DNAH7: variants seen among roughly 807,000 people sequenced by gnomAD.
DNAH7 encodes dynein axonemal heavy chain 7.
Under a neutral mutation model 444.6 loss-of-function variants are expected in DNAH7, and 397 were observed. The observed-to-expected ratio is 0.89, with a 90% CI of 0.82 to 0.97. DNAH7 has a LOEUF of 0.97. DNAH7 is among the 50% of genes least tolerant of loss of function. DNAH7 has a pLI of 0.00. For synonymous variants in DNAH7, 1,636 were observed against 1,624.4 expected, an observed-to-expected ratio of 1.01 and a Z score of -0.17; for missense variants, 4,902 against 4,800.8, an observed-to-expected ratio of 1.02 and a Z score of -0.62.
At chr2:195,774,189 C>T (rs186598024) in intron 60 of DNAH7, among the ~76,000 whole-genome samples, 1 of 152,292 alleles carries the variant, frequency 6.6e-6, no homozygotes, top group Non-Finnish European at 1.5e-5. Context: ...TGGCACACCC[C>T]GTCAAGTTTA....
At position 195,788,951 on chromosome 2, in the gene DNAH7, G is replaced by A. The variant is rs74476579; in HGVS notation, c.10717-1780C>T. Reference sequence around the variant, plus strand: ...TATATACTTCCAAGTTCTCTCCACTGAAAGAGTCAAGAAAATACAGACAGA... The same window carrying A: ...TATATACTTCCAAGTTCTCTCCACTAAAAGAGTCAAGAAAATACAGACAGA... On this transcript the variant is annotated intron_variant, in intron 57 of 64. Coordinates refer to ENST00000312428, the MANE Select transcript of DNAH7 (RefSeq NM_018897.3). Among the ~76,000 whole-genome samples the A allele has an allele frequency of 0.019, 2,894 of 152,266 alleles. 223 individuals carry two copies. In the East Asian group the frequency reaches 0.26, roughly 13 times the overall value.
intron 1 of DNAH7, among the ~76,000 whole-genome samples, chr2:196,063,102 G>T (rs563896667): frequency 1.3e-5 from 2 of 152,062 alleles, no homozygotes; most frequent in African/African-American, 2.4e-5. Flanking sequence ...GGCTGGTCTC[G>T]AACTCCTGAC....
chr2:195,927,100 C>T (rs1234760929), intron 21 of DNAH7, among the ~76,000 whole-genome samples: 1 of 152,114 alleles, frequency 6.6e-6, no homozygotes, highest in Non-Finnish European at 1.5e-5. Flanking sequence ...GCAATGATGA[C>T]AGAGACAGAT....
chr2:196,049,642 G>T (rs1410514568), intron 3 of DNAH7, among the ~76,000 whole-genome samples: 1 of 152,180 alleles, frequency 6.6e-6, no homozygotes, highest in Non-Finnish European at 1.5e-5. Flanking sequence ...TTGAAAATAT[G>T]ATTTCCCTTA....
chr2:195,827,304 C>A (rs1378488235), intron 48 of DNAH7, among the ~76,000 whole-genome samples: 2 of 152,174 alleles, frequency 1.3e-5, no homozygotes, highest in Non-Finnish European at 2.9e-5. Flanking sequence ...GAGATGGGGT[C>A]TCACTCTGTT....
chr2:195,744,613 G>T (rs1180699161), intron 63 of DNAH7, among the ~76,000 whole-genome samples: 1 of 152,182 alleles, frequency 6.6e-6, no homozygotes, highest in Non-Finnish European at 1.5e-5. Context: ...CCCAGTAGGG[G>T]CAGACTGACA....
intron 40 of DNAH7, among the ~76,000 whole-genome samples, chr2:195,865,542 T>C (rs1559161502): frequency 6.6e-6 from 1 of 152,216 alleles, no homozygotes; most frequent in Non-Finnish European, 1.5e-5. Context: ...GGATACCTGT[T>C]AATTATTTTT....
chr2:195,971,667 A>G (rs1365745016), intron 16 of DNAH7, among the ~76,000 whole-genome samples: 1 of 152,146 alleles, frequency 6.6e-6, no homozygotes, highest in African/African-American at 2.4e-5. Flanking sequence ...AGAAGTTGAC[A>G]GGGTTACTGA....
At chr2:196,000,297 T>C (rs1693954822) in intron 12 of DNAH7, among the ~76,000 whole-genome samples, 1 of 151,722 alleles carries the variant, frequency 6.6e-6, no homozygotes, top group African/African-American at 2.4e-5. Flanking sequence ...GAGTTGAAAG[T>C]ATAAAGGAGC....
chr2:195,929,864 T>G (rs925247093), intron 21 of DNAH7, among the ~76,000 whole-genome samples: 1 of 152,040 alleles, frequency 6.6e-6, no homozygotes, highest in African/African-American at 2.4e-5. Flanking sequence ...AAACAAAAAT[T>G]GACAAGTGGA....
Position 195,906,662 on chromosome 2 carries a change from C to A in DNAH7, c.4332G>T (p.Leu1444=), listed in dbSNP as rs751234150. 7.4e-6 allele frequency: 12 copies of A among 1,611,504 alleles called. No homozygotes were observed. The South Asian group carries it at 1.3e-4, about 18-fold the overall frequency. ...TATATAATAACTCCTTCCATACCTT[C>A]AGGTTATCTGGCAGTTCTGATCGCC... ...YAGRSELPDN[L]KALFRTVAMM... Residue 1444 remains leucine, a synonymous_variant, in exon 27 of 65, where the codon CTG becomes CTT. Coordinates refer to ENST00000312428, the MANE Select transcript of DNAH7 (RefSeq NM_018897.3).
intron 16 of DNAH7, among the ~76,000 whole-genome samples, chr2:195,970,844 C>A (rs544167021): frequency 6.6e-6 from 1 of 152,078 alleles, no homozygotes; most frequent in African/African-American, 2.4e-5. Context: ...GTCCTCTTTT[C>A]TCTAGTTTCC....
chr2:195,737,811 T>TTTAG lies in DNAH7; in HGVS notation c.*106_*109dup. The TTTAG allele has an allele frequency of 1.4e-5, 13 of 915,938 alleles. No individual in the cohort carries two copies. The highest frequency in any genetic ancestry group is 3.1e-4 in the Middle Eastern group (1 of 3,254). The allele number at this position is 915,938 out of a possible 1,614,324, so 56.7% of individuals were successfully genotyped here. On this transcript the variant is annotated 3_prime_UTR_variant, in exon 65 of 65. Transcript: ENST00000312428. Reference sequence around the variant, plus strand: ...TCATAAGTAAATTCATAATTATAACTTTAGTCAAATGTATTTAAACAAACA... The same window carrying TTTAG: ...TCATAAGTAAATTCATAATTATAACTTTAGTTAGTCAAATGTATTTAAACAAACA...
At chr2:195,840,962 C>T (rs1007773056) in intron 47 of DNAH7, among the ~76,000 whole-genome samples, 5 of 151,594 alleles carry the variant, frequency 3.3e-5, no homozygotes, top group African/African-American at 4.8e-5. Context: ...TGTAGAGTTA[C>T]AAGTAGACAA....
chr2:195,921,352 T>TACACACAC lies in DNAH7; in HGVS notation c.3935+728_3935+735dup, dbSNP rs140152411. Among the ~76,000 whole-genome samples the TACACACAC allele has an allele frequency of 6.6e-3, 929 of 140,444 alleles. 7 individuals carry two copies. Among genetic ancestry groups the TACACACAC allele is most frequent in the Middle Eastern group, 0.014 (4 of 280 alleles). 92.1% of individuals were successfully genotyped at this position (140,444 alleles called of 152,430 possible). A position where few individuals can be genotyped will look rare whatever the true frequency, so the allele number is the denominator to read the frequency against. On this transcript the variant is annotated intron_variant, in intron 24 of 64. Coordinates refer to ENST00000312428, the MANE Select transcript of DNAH7 (RefSeq NM_018897.3). ...ATGAGTGGATAAAGAAAATGTGGTG[T>TACACACAC]ACACACACACACACACACACACACA...
intron 15 of DNAH7, 79 bp downstream of exon 15, chr2:195,984,553 C>T (rs547197025): frequency 4.0e-5 from 55 of 1,366,496 alleles, no homozygotes; most frequent in South Asian, 3.5e-4. Flanking sequence ...CTTAACTTTT[C>T]GAGTGATTTG....
intron 49 of DNAH7, among the ~76,000 whole-genome samples, chr2:195,821,579 C>G (rs1697474500): frequency 6.6e-6 from 1 of 152,170 alleles, no homozygotes; most frequent in Non-Finnish European, 1.5e-5. Flanking sequence ...GCTCATATAT[C>G]ACAGGAGAAA....
At chr2:196,037,032 G>T (rs1228185221) in intron 5 of DNAH7, among the ~76,000 whole-genome samples, 2 of 151,998 alleles carry the variant, frequency 1.3e-5, no homozygotes, top group African/African-American at 4.8e-5. Flanking sequence ...TACCACCTAG[G>T]GACCTAAGGA....
chr2:195,795,643 C>T (rs1255701420), intron 56 of DNAH7, among the ~76,000 whole-genome samples: 1 of 152,120 alleles, frequency 6.6e-6, no homozygotes, highest in African/African-American at 2.4e-5. Flanking sequence ...TGCTGTAGGT[C>T]ATGTTGGGGG....
Sources: gnomAD v4.1 joint callset for allele counts (sites outside exome capture counted in the v4.1 genomes callset) on GRCh38, gnomAD v4.1.1 for gene constraint, MANE v1.5 for transcripts, NCBI Gene and HGNC (gene_info 2026-07-23, HGNC 2026-07-21) for gene names.